Variants in HDAC9 observed in about 807,000 individuals in gnomAD.
The protein encoded by HDAC9 is histone deacetylase 9.
HDAC9 carries 41 observed loss-of-function variants against 139.4 expected under a neutral mutation model. The observed-to-expected ratio is 0.29, with a 90% CI of 0.23 to 0.38. The LOEUF is 0.38. Among genes scored for constraint, HDAC9 ranks in the 10% least tolerant of loss-of-function variants. HDAC9 has a pLI of 1.00. For missense variants in HDAC9, 1,147 were observed against 1,297.0 expected, an observed-to-expected ratio of 0.88 and a Z score of 1.78; for synonymous variants, 517 against 476.2, an observed-to-expected ratio of 1.09 and a Z score of -1.12.
At chr7:18,287,206 A>G (rs1562836825), upstream of HDAC9, among the ~76,000 whole-genome samples, 1 of 150,966 alleles carries the variant, frequency 6.6e-6, no homozygotes, top group African/African-American at 2.4e-5. Context: ...TCTATTGCTT[A>G]TTTTTTTTTA....
At chr7:18,666,718 T>C in intron 12 of HDAC9, 1 of 1,291,492 alleles carries the variant, frequency 7.7e-7, no homozygotes, top group South Asian at 2.4e-5. Context: ...GGTAAGGAAA[T>C]ACCTGTTATA....
chr7:18,321,043 T>C (rs1352233424), intron 1 of HDAC9, among the ~76,000 whole-genome samples: 5 of 152,312 alleles, frequency 3.3e-5, no homozygotes. Context: ...GTAGGCTACG[T>C]ATTTTCATAG....
At chr7:18,415,582 G>A (rs1788975191) in intron 1 of HDAC9, among the ~76,000 whole-genome samples, 1 of 152,104 alleles carries the variant, frequency 6.6e-6, no homozygotes, top group Non-Finnish European at 1.5e-5. Flanking sequence ...ATAATGAGAG[G>A]GAAAATTTAT....
intron 1 of HDAC9, among the ~76,000 whole-genome samples, chr7:18,132,547 C>T (rs77440446): frequency 0.028 from 4,226 of 152,054 alleles, 188 homozygotes; most frequent in African/African-American, 0.097. Flanking sequence ...TAGCTGAAAC[C>T]GCAGGCACAT....
intron 2 of HDAC9, among the ~76,000 whole-genome samples, chr7:18,262,016 T>C (rs302190): frequency 0.015 from 2,318 of 152,338 alleles, 69 homozygotes; most frequent in African/African-American, 0.054. Flanking sequence ...AATCCCCTGA[T>C]GTACACCTCT....
At chr7:18,394,068 A>AAACAACAGT (rs1184391736) in intron 1 of HDAC9, among the ~76,000 whole-genome samples, 1 of 152,220 alleles carries the variant, frequency 6.6e-6, no homozygotes, top group Non-Finnish European at 1.5e-5. Flanking sequence ...AAAGCTAAAT[A>AAACAACAGT]AACAACAGTC....
At chr7:18,653,066 G>A (rs554203437) in intron 11 of HDAC9, among the ~76,000 whole-genome samples, 49 of 151,872 alleles carry the variant, frequency 3.2e-4, no homozygotes, top group African/African-American at 4.6e-4. Context: ...GAGAAACCCC[G>A]TCTCTACTAA....
chr7:18,215,924 CT>C (rs1355635342), intron 2 of HDAC9, among the ~76,000 whole-genome samples: 2 of 152,072 alleles, frequency 1.3e-5, no homozygotes, highest in Non-Finnish European at 2.9e-5. Flanking sequence ...AGTCATTCAT[CT>C]GGTATATCAT....
At chr7:18,714,976 C>T (rs1275016951) in intron 12 of HDAC9, among the ~76,000 whole-genome samples, 1 of 152,086 alleles carries the variant, frequency 6.6e-6, no homozygotes, top group Non-Finnish European at 1.5e-5. Context: ...TTATCAATGC[C>T]TTTTTGTGAT....
chr7:18,989,164 G>T (rs1383950460), intron 25 of HDAC9, among the ~76,000 whole-genome samples: 1 of 148,356 alleles, frequency 6.7e-6, no homozygotes, highest in Admixed American at 6.7e-5. Flanking sequence ...AGTCTCGATG[G>T]TCTTTACATT....
At chr7:18,944,330 T>C (rs1433754989) in intron 23 of HDAC9, among the ~76,000 whole-genome samples, 1 of 152,212 alleles carries the variant, frequency 6.6e-6, no homozygotes, top group Non-Finnish European at 1.5e-5. Flanking sequence ...TCGCTTTGCA[T>C]GTTGCAGGGG....
intron 2 of HDAC9, among the ~76,000 whole-genome samples, chr7:18,251,210 C>T (rs1794897084): frequency 6.6e-6 from 1 of 152,082 alleles, no homozygotes; most frequent in South Asian, 2.1e-4. Flanking sequence ...TTTGCAGGGA[C>T]TTGGATGGAG....
chr7:18,587,176 A>G (rs1218026296), intron 3 of HDAC9, among the ~76,000 whole-genome samples: 1 of 152,170 alleles, frequency 6.6e-6, no homozygotes, highest in Non-Finnish European at 1.5e-5. Flanking sequence ...TTGTTTAGAA[A>G]GAAATTTATT....
intron 1 of HDAC9, among the ~76,000 whole-genome samples, chr7:18,137,482 A>C (rs1196635007): frequency 6.6e-6 from 1 of 151,996 alleles, no homozygotes; most frequent in Non-Finnish European, 1.5e-5. Context: ...ACATCCCATC[A>C]TTACCTAATT....
chr7:18,194,569 C>A (rs1173438454), intron 2 of HDAC9, among the ~76,000 whole-genome samples: 1 of 152,158 alleles, frequency 6.6e-6, no homozygotes, highest in Admixed American at 6.5e-5. Flanking sequence ...CGATTCTTAA[C>A]AAGAGAGATG....
At chr7:18,531,724 C>T (rs775029516) in intron 2 of HDAC9, among the ~76,000 whole-genome samples, 14 of 151,796 alleles carry the variant, frequency 9.2e-5, no homozygotes, top group Admixed American at 4.6e-4. Flanking sequence ...CAATGTAGTT[C>T]GGCCTCTAAT....
intron 1 of HDAC9, among the ~76,000 whole-genome samples, chr7:18,147,129 C>CT (rs955645748): frequency 1.4e-4 from 21 of 151,076 alleles, no homozygotes; most frequent in East Asian, 9.7e-4. Context: ...AATCATCTCC[C>CT]TTTTTTTTTG....
At chr7:18,112,420 G>C (rs544903713) in intron 1 of HDAC9, among the ~76,000 whole-genome samples, 1 of 152,124 alleles carries the variant, frequency 6.6e-6, no homozygotes, top group African/African-American at 2.4e-5. Flanking sequence ...CAAAAAAATC[G>C]AGGAAATGGT....
chr7:18,334,644 C>T (rs1223554642), intron 1 of HDAC9, among the ~76,000 whole-genome samples: 1 of 151,376 alleles, frequency 6.6e-6, no homozygotes, highest in Non-Finnish European at 1.5e-5. Flanking sequence ...AGAAACTCCA[C>T]TCAAATAGTA....
Sources: gnomAD v4.1 joint callset for allele counts (sites outside exome capture counted in the v4.1 genomes callset) on GRCh38, gnomAD v4.1.1 for gene constraint, MANE v1.5 for transcripts, NCBI Gene and HGNC (gene_info 2026-07-23, HGNC 2026-07-21) for gene names.